Variants in POLE2 observed in about 807,000 individuals in gnomAD.
POLE2 encodes the protein DNA polymerase epsilon 2, accessory subunit.
A neutral mutation model predicts 79.4 loss-of-function variants in POLE2; 56 were observed. The observed-to-expected ratio is 0.71, with a 90% CI of 0.57 to 0.88. The LOEUF (loss-of-function observed/expected upper bound fraction) is 0.88, where lower values mean the gene tolerates loss of function less well. POLE2 is among the 40% of genes least tolerant of loss of function. POLE2 has a pLI of 0.00. For missense variants in POLE2, 598 were observed against 638.9 expected (o/e 0.94, Z 0.69); for synonymous variants, 212 against 214.0 (o/e 0.99, Z 0.08).
intron 1 of POLE2, among the ~76,000 whole-genome samples, chr14:49,687,588 T>C (rs1018055458): frequency 6.6e-6 from 1 of 152,044 alleles, no homozygotes; most frequent in African/African-American, 2.4e-5. Flanking sequence ...TTGCAGCTTC[T>C]CGGGCTCAGT....
chr14:49,648,170 T>C (rs1471555407), intron 17 of POLE2, among the ~76,000 whole-genome samples: 2 of 152,254 alleles, frequency 1.3e-5, no homozygotes, highest in South Asian at 4.1e-4. Flanking sequence ...TTGTCTACTA[T>C]GAAACTCTCA....
intron 11 of POLE2, 72 bp from the exon 12 acceptor site, chr14:49,655,166 ACTTT>A (rs1472616916): frequency 2.7e-5 from 14 of 512,904 alleles, no homozygotes; most frequent in African/African-American, 4.0e-5. Flanking sequence ...TTTAACCATG[ACTTT>A]CTAATAATAA....
At chr14:49,650,093 T>C (rs1884095857) in intron 17 of POLE2, 172 bp downstream of exon 17, 1 of 387,286 alleles carries the variant, frequency 2.6e-6, no homozygotes, top group Non-Finnish European at 4.4e-6. Flanking sequence ...ATACTGAAAG[T>C]TTAAGAACTT....
At chr14:49,674,577 CTTTTTT>C in intron 3 of POLE2, 150 bp from the exon 4 acceptor site, 1 of 617,000 alleles carries the variant, frequency 1.6e-6, no homozygotes. Context: ...TTTTCTTTTT[CTTTTTT>C]AAGACAGAGT....
intron 3 of POLE2, among the ~76,000 whole-genome samples, chr14:49,678,511 G>A (rs1252466788): frequency 6.6e-6 from 1 of 152,090 alleles, no homozygotes; most frequent in Admixed American, 6.6e-5. Flanking sequence ...GATTGGTGTG[G>A]GGGAAAATAA....
At chr14:49,667,513 T>A (rs1885572126) in intron 6 of POLE2, among the ~76,000 whole-genome samples, 1 of 152,090 alleles carries the variant, frequency 6.6e-6, no homozygotes, top group African/African-American at 2.4e-5. Context: ...ATGTTTAATA[T>A]TTCTGTGCAA....
At chr14:49,677,870 G>C in intron 3 of POLE2, 1 of 405,298 alleles carries the variant, frequency 2.5e-6, no homozygotes, top group Non-Finnish European at 4.4e-6. Context: ...CCCAGCTCCT[G>C]GCCAGCACAC....
chr14:49,648,000 CTG>C (rs1201899152), intron 17 of POLE2, among the ~76,000 whole-genome samples: 1 of 152,168 alleles, frequency 6.6e-6, no homozygotes, highest in Non-Finnish European at 1.5e-5. Flanking sequence ...AATAAACAGA[CTG>C]TGTAACGCCA....
intron 2 of POLE2, among the ~76,000 whole-genome samples, chr14:49,682,161 T>A (rs45557938): frequency 4.0e-5 from 6 of 151,132 alleles, no homozygotes; most frequent in Non-Finnish European, 5.9e-5. Flanking sequence ...CCTGCCACCA[T>A]GCCTGGCTAA....
At chr14:49,670,575 C>T (rs1189962448) in intron 5 of POLE2, among the ~76,000 whole-genome samples, 1 of 152,158 alleles carries the variant, frequency 6.6e-6, no homozygotes, top group Non-Finnish European at 1.5e-5. Flanking sequence ...AATGAAAGTA[C>T]TCCATCCTTT....
rs751077200 is a variant in POLE2 at position 49,669,515 on chromosome 14, T to C, written c.492+9A>G. The C allele has an allele frequency of 2.1e-6, 3 of 1,424,148 alleles. No individual in the cohort carries two copies. The highest frequency in any genetic ancestry group is 2.3e-5 in the South Asian group (2 of 86,632). The allele number at this position is 1,424,148 out of a possible 1,614,324, so 88.2% of individuals were successfully genotyped here. A position where few individuals can be genotyped will look rare whatever the true frequency, so the allele number is the denominator to read the frequency against. ...TATACCCCCTACATAACTAGGATAA[T>C]GTTCTAACCTGGAATTTGCTTCCGC... On this transcript the variant is annotated intron_variant, in intron 6 of 18. Transcript: ENST00000216367.
Position 49,663,961 on chromosome 14 carries a change from C to T in POLE2, c.683-574G>A, listed in dbSNP as rs45579738. On this transcript the variant is annotated intron_variant, in intron 9 of 18. Coordinates refer to ENST00000216367, the MANE Select transcript of POLE2 (RefSeq NM_002692.4). The stretch of plus-strand genomic sequence containing the variant: ...CTGAGGCAGGAGAATGGTGTGAACC[C>T]GGGAGGCAGAGCTTGCAGTGAGCCG... 2.1e-3 allele frequency among the ~76,000 whole-genome samples: 322 copies of T among 151,756 alleles called. 5 individuals carry two copies. The East Asian group carries it at 0.055, about 26-fold the overall frequency.
At chr14:49,678,093 G>A (rs1163882594) in intron 3 of POLE2, among the ~76,000 whole-genome samples, 5 of 151,462 alleles carry the variant, frequency 3.3e-5, no homozygotes, top group Non-Finnish European at 7.4e-5. Flanking sequence ...TCCGCCTCCC[G>A]GGTTCAAGCG....
At chr14:49,671,619 A>G (rs1020449217) in intron 5 of POLE2, among the ~76,000 whole-genome samples, 65 of 78,860 alleles carry the variant, frequency 8.2e-4, no homozygotes, top group African/African-American at 3.1e-3. Flanking sequence ...TCTGCCTCAG[A>G]AAAAAAAAAA....
intron 3 of POLE2, chr14:49,677,723 C>T (rs1011715762): frequency 2.9e-6 from 4 of 1,387,012 alleles, no homozygotes; most frequent in Admixed American, 4.4e-5. Context: ...CCTTGCTGTG[C>T]AGAACCAACT....
At chr14:49,645,043 C>CAAAAAAAGAAAAAAA (rs1883662166) in intron 18 of POLE2, among the ~76,000 whole-genome samples, 1 of 88,320 alleles carries the variant, frequency 1.1e-5, no homozygotes, top group Non-Finnish European at 2.4e-5. Context: ...CTCCGTCTCA[C>CAAAAAAAGAAAAAAA]AAAAAAAAAA....
At position 49,683,763 on chromosome 14, in the gene POLE2, C is replaced by T. The variant is rs1464273553; in HGVS notation, c.69-70G>A. On this transcript the variant is annotated intron_variant, in intron 1 of 18. Coordinates refer to ENST00000216367, the MANE Select transcript of POLE2 (RefSeq NM_002692.4). ...AGGCTAAAAGTTTTCTGCCAAAAAG[C>T]AGCAAATACTCATCAATCTGGCACT... The T allele has an allele frequency of 5.6e-6, 4 of 720,178 alleles. No homozygotes were observed. The African/African-American group carries it at 7.0e-5, about 13-fold the overall frequency. 44.6% of individuals were successfully genotyped at this position (720,178 alleles called of 1,614,324 possible). A position where few individuals can be genotyped will look rare whatever the true frequency, so the allele number is the denominator to read the frequency against.
intron 2 of POLE2, 121 bp downstream of exon 2, chr14:49,683,472 A>T: frequency 1.8e-6 from 1 of 548,604 alleles, no homozygotes; most frequent in Non-Finnish European, 3.2e-6. Flanking sequence ...TACCATGCAT[A>T]CATCTTATAA....
chr14:49,655,653 A>AC lies in POLE2; in HGVS notation c.928+17_928+18insG, dbSNP rs1227342306. 2 of 1,562,284 alleles carry AC rather than the reference A, an allele frequency of 1.3e-6. No individual in the cohort carries two copies. The highest frequency in any genetic ancestry group is 4.5e-5 in the East Asian group (2 of 44,290). ...CCCTTAAAAGAGTTCAAGAAAGAAGAAAAAAAATAAGACCTACCAGCAAAC... is the reference window on the plus strand; with the variant it reads ...CCCTTAAAAGAGTTCAAGAAAGAAGACAAAAAAATAAGACCTACCAGCAAAC... On this transcript the variant is annotated intron_variant, in intron 11 of 18. Coordinates refer to ENST00000216367, the MANE Select transcript of POLE2 (RefSeq NM_002692.4).
Sources: gnomAD v4.1 joint callset for allele counts (sites outside exome capture counted in the v4.1 genomes callset) on GRCh38, gnomAD v4.1.1 for gene constraint, MANE v1.5 for transcripts, NCBI Gene and HGNC (gene_info 2026-07-23, HGNC 2026-07-21) for gene names.